Variants in NEK5 observed in about 807,000 individuals in gnomAD.
The protein encoded by NEK5 is serine/threonine-protein kinase Nek5.
Under a neutral mutation model 109.2 loss-of-function variants are expected in NEK5, and 88 were observed. The ratio of observed to expected loss-of-function variants is 0.81; its 90% CI spans 0.68 to 0.96. The LOEUF (loss-of-function observed/expected upper bound fraction) is 0.96, where lower values mean the gene tolerates loss of function less well. Among genes scored for constraint, NEK5 ranks in the 40% least tolerant of loss-of-function variants. The probability of loss-of-function intolerance (pLI) is 0.00; values close to 1 mark genes in which losing one functional copy is unlikely to be tolerated. For missense variants in NEK5, 834 were observed against 920.7 expected (o/e 0.91, Z 1.22); for synonymous variants, 283 against 299.9 (o/e 0.94, Z 0.58).
intron 23 of NEK5, among the ~76,000 whole-genome samples, chr13:52,037,426 T>G (rs1241770136): frequency 6.6e-6 from 1 of 152,072 alleles, no homozygotes; most frequent in Non-Finnish European, 1.5e-5. Context: ...CTTTATTATA[T>G]TTATTAATGT....
At chr13:52,038,053 A>G (rs572391503) in intron 23 of NEK5, among the ~76,000 whole-genome samples, 95 of 152,344 alleles carry the variant, frequency 6.2e-4, no homozygotes, top group African/African-American at 1.9e-3. Flanking sequence ...AATCTGCACC[A>G]ACCTAAATTA....
intron 23 of NEK5, among the ~76,000 whole-genome samples, chr13:52,039,892 G>A (rs909095242): frequency 2.0e-5 from 3 of 151,946 alleles, no homozygotes; most frequent in Admixed American, 2.0e-4. Flanking sequence ...CAATGTGATA[G>A]TATTAAGGGG....
chr13:52,040,109 A>G (rs1297959918), intron 23 of NEK5, among the ~76,000 whole-genome samples: 3 of 143,958 alleles, frequency 2.1e-5, no homozygotes, highest in Non-Finnish European at 3.0e-5. Flanking sequence ...TTTTGAGAGA[A>G]ATCTCACTTT....
At chr13:52,067,893 T>C (rs1954716476) in intron 20 of NEK5, among the ~76,000 whole-genome samples, 1 of 151,974 alleles carries the variant, frequency 6.6e-6, no homozygotes, top group Non-Finnish European at 1.5e-5. Flanking sequence ...GCTTTAGCCA[T>C]ATTGGCCAGG....
intron 22 of NEK5, among the ~76,000 whole-genome samples, chr13:52,054,627 G>C (rs953377908): frequency 6.6e-6 from 1 of 151,520 alleles, no homozygotes; most frequent in Non-Finnish European, 1.5e-5. Flanking sequence ...GCCTCCTCAA[G>C]TGGGTCCCTG....
At position 52,092,800 on chromosome 13, in the gene NEK5, C is replaced by T. The variant is rs560465062; in HGVS notation, c.1208+254G>A. On this transcript the variant is annotated intron_variant, in intron 13 of 23. Coordinates refer to ENST00000684899, the MANE Select transcript of NEK5 (RefSeq NM_001365552.1). ...ACTGGAGAGGCCGAGGCACGAGAAT[C>T]GCTTGAACTCAGAAGGCAGAGGTTG... Among the ~76,000 whole-genome samples the T allele has an allele frequency of 4.6e-5, 7 of 152,288 alleles. No individual in the cohort carries two copies. The South Asian group carries it at 1.5e-3, about 32-fold the overall frequency.
intron 20 of NEK5, among the ~76,000 whole-genome samples, chr13:52,070,868 G>A (rs766012674): frequency 1.3e-5 from 2 of 152,186 alleles, no homozygotes; most frequent in Non-Finnish European, 2.9e-5. Context: ...GTGCCAGGTC[G>A]TTTATACATC....
chr13:52,125,818 C>G (rs1238806527), intron 3 of NEK5, among the ~76,000 whole-genome samples: 1 of 151,924 alleles, frequency 6.6e-6, no homozygotes, highest in East Asian at 1.9e-4. Flanking sequence ...AGAGAGTGAG[C>G]AGAATAATGT....
intron 22 of NEK5, among the ~76,000 whole-genome samples, 199 bp downstream of exon 22, chr13:52,061,620 C>A (rs1473434196): frequency 2.0e-5 from 3 of 152,140 alleles, no homozygotes; most frequent in Non-Finnish European, 2.9e-5. Context: ...GAAAATTACA[C>A]CACTCTCCTG....
chr13:52,084,730 A>AGT (rs1566772236), intron 16 of NEK5, among the ~76,000 whole-genome samples: 22 of 125,588 alleles, frequency 1.8e-4, no homozygotes, highest in African/African-American at 5.6e-4. Flanking sequence ...AGAGAGAGAG[A>AGT]GAGTGAGAGA....
chr13:52,045,254 C>T (rs1420253755), intron 23 of NEK5, among the ~76,000 whole-genome samples: 4 of 148,872 alleles, frequency 2.7e-5, no homozygotes, highest in African/African-American at 7.4e-5. Flanking sequence ...CTCAGCCTGC[C>T]GAGTAGCTGG....
At chr13:52,080,269 G>A (rs1954973140) in intron 17 of NEK5, among the ~76,000 whole-genome samples, 1 of 149,352 alleles carries the variant, frequency 6.7e-6, no homozygotes, top group Non-Finnish European at 1.5e-5. Flanking sequence ...GGGAGGTGGG[G>A]GGGGGTCAGC....
At chr13:52,056,946 T>G (rs1204197403) in intron 22 of NEK5, among the ~76,000 whole-genome samples, 2 of 151,608 alleles carry the variant, frequency 1.3e-5, no homozygotes, top group African/African-American at 4.8e-5. Flanking sequence ...ATAACTAAAA[T>G]CAGAGCAGAA....
chr13:52,060,279 G>T (rs1163798231), intron 22 of NEK5, among the ~76,000 whole-genome samples: 2 of 152,178 alleles, frequency 1.3e-5, no homozygotes, highest in Non-Finnish European at 2.9e-5. Flanking sequence ...TATAAAATGT[G>T]TATTCATTAA....
intron 21 of NEK5, among the ~76,000 whole-genome samples, chr13:52,064,320 T>A (rs1954649561): frequency 8.0e-6 from 1 of 125,366 alleles, no homozygotes. Context: ...GGAGCCCCTC[T>A]GCCTGGCCAG....
chr13:52,080,464 G>C (rs1210846131), intron 17 of NEK5, among the ~76,000 whole-genome samples: 6 of 152,298 alleles, frequency 3.9e-5, no homozygotes, highest in Non-Finnish European at 8.8e-5. Context: ...GGAAAGGCGG[G>C]GAAAAGATTG....
chr13:52,089,496 A>G (rs1477452120), intron 13 of NEK5, among the ~76,000 whole-genome samples, 183 bp from the exon 14 acceptor site: 1 of 152,184 alleles, frequency 6.6e-6, no homozygotes, highest in African/African-American at 2.4e-5. Context: ...TGGAATCAAA[A>G]GGAAAAAAGG....
At chr13:52,089,027 G>A (rs750576196) in intron 14 of NEK5, among the ~76,000 whole-genome samples, 2 of 151,860 alleles carry the variant, frequency 1.3e-5, no homozygotes, top group Non-Finnish European at 2.9e-5. Flanking sequence ...GGAGGCAGAG[G>A]TTGCAGTGAG....
At chr13:52,067,988 G>T (rs539535409) in intron 20 of NEK5, among the ~76,000 whole-genome samples, 10 of 152,028 alleles carry the variant, frequency 6.6e-5, no homozygotes, top group African/African-American at 2.4e-4. Flanking sequence ...TACCATGCCT[G>T]GTCAACCATC....
Sources: allele counts gnomAD v4.1 joint callset (sites outside exome capture counted in the v4.1 genomes callset), GRCh38; gene constraint gnomAD v4.1.1; transcripts MANE v1.5; gene names NCBI Gene and HGNC (gene_info 2026-07-23, HGNC 2026-07-21).